CLCN3: variants seen among roughly 807,000 people sequenced by gnomAD.
CLCN3 encodes the protein Cl-/H+ antiporter 3.
In CLCN3, 16 loss-of-function variants were observed where a neutral mutation model predicts 83.4. The ratio of observed to expected loss-of-function variants is 0.19; its 90% CI spans 0.13 to 0.29. CLCN3 has a LOEUF of 0.29. CLCN3 is among the 10% of genes least tolerant of loss of function. The pLI, the probability that CLCN3 is intolerant of heterozygous loss-of-function variation, is 1.00. For synonymous variants in CLCN3, 322 were observed against 346.2 expected, an observed-to-expected ratio of 0.93 and a Z score of 0.78; for missense variants, 544 against 1,006.0, an observed-to-expected ratio of 0.54 and a Z score of 6.21.
chr4:169,711,884 C>T (rs62346184), intron 11 of CLCN3, among the ~76,000 whole-genome samples: 28,885 of 151,514 alleles, frequency 0.19, 3,526 homozygotes, highest in South Asian at 0.31. Context: ...TTTCTTTTTG[C>T]GACAGAGTCT....
chr4:169,665,787 A>C (rs1293682870), intron 2 of CLCN3, among the ~76,000 whole-genome samples: 1 of 152,208 alleles, frequency 6.6e-6, no homozygotes, highest in Non-Finnish European at 1.5e-5. Flanking sequence ...AATGACGAGG[A>C]TCACCATTTC....
chr4:169,633,520 T>A (rs1273535144), intron 1 of CLCN3, among the ~76,000 whole-genome samples: 1 of 152,244 alleles, frequency 6.6e-6, no homozygotes, highest in African/African-American at 2.4e-5. Context: ...GTTTAGAACC[T>A]GAAAATATTT....
intron 1 of CLCN3, among the ~76,000 whole-genome samples, chr4:169,625,266 A>C (rs535394906): frequency 6.6e-6 from 1 of 151,984 alleles, no homozygotes; most frequent in South Asian, 2.1e-4. Flanking sequence ...TTCTTCTTTC[A>C]CCCAGTTTAT....
chr4:169,680,214 GTT>G lies in CLCN3; in HGVS notation c.318+11_318+12del. On this transcript the variant is annotated splice_region_variant and intron_variant, in intron 3 of 12. Coordinates refer to ENST00000513761, the MANE Select transcript of CLCN3 (RefSeq NM_001829.4). Reference sequence around the variant, plus strand: ...CAGAGAAAGGCATAGACGGGTAAGTGTTTTTAGTAAAAATTTTTAAAAACATA... The same window carrying G: ...CAGAGAAAGGCATAGACGGGTAAGTGTTTAGTAAAAATTTTTAAAAACATA... 6.3e-7 allele frequency: 1 copy of G among 1,597,474 alleles called. No homozygotes were observed. The highest frequency in any genetic ancestry group is 1.1e-5 in the South Asian group (1 of 88,552).
intron 2 of CLCN3, among the ~76,000 whole-genome samples, chr4:169,661,006 A>G (rs1248182885): frequency 6.6e-6 from 1 of 152,210 alleles, no homozygotes; most frequent in Non-Finnish European, 1.5e-5. Flanking sequence ...GCTGAGTAAC[A>G]TACTACATTG....
At chr4:169,671,748 G>A (rs1393798388) in intron 2 of CLCN3, among the ~76,000 whole-genome samples, 1 of 152,158 alleles carries the variant, frequency 6.6e-6, no homozygotes, top group African/African-American at 2.4e-5. Context: ...GACTGAATTG[G>A]TGTGGGGAAG....
Position 169,629,346 on chromosome 4 carries a change from A to T in CLCN3, c.-16-6567A>T, listed in dbSNP as rs187890272. 1.6e-4 allele frequency among the ~76,000 whole-genome samples: 24 copies of T among 152,278 alleles called. No homozygotes were observed. In the East Asian group the frequency reaches 4.2e-3, roughly 27 times the overall value. On this transcript the variant is annotated intron_variant, in intron 1 of 12. Coordinates refer to ENST00000513761, the MANE Select transcript of CLCN3 (RefSeq NM_001829.4). ...ATTATCTCAAAATAAAAATTTAATT[A>T]AAAAAATTGAACATCTACTGTGACA...
chr4:169,681,075 C>T (rs1381443872), intron 3 of CLCN3, among the ~76,000 whole-genome samples: 11 of 151,960 alleles, frequency 7.2e-5, no homozygotes, highest in African/African-American at 2.7e-4. Flanking sequence ...GGGGGACCGT[C>T]GCCCATTCTG....
Position 169,620,915 on chromosome 4 carries a change from G to A in CLCN3, c.-165G>A, listed in dbSNP as rs889083014. ...TAACCTCTGCGGTAGAAAACGTCAG[G>A]TATCTTTTAAATCGCGATAGTTTTC... On this transcript the variant is annotated 5_prime_UTR_variant, in exon 1 of 13. Transcript: ENST00000513761. 1 of 398,350 alleles carries A rather than the reference G, an allele frequency of 2.5e-6. No individual in the cohort carries two copies. The highest frequency in any genetic ancestry group is 4.4e-6 in the Non-Finnish European group (1 of 226,042). The allele number at this position is 398,350 out of a possible 1,614,324, so 24.7% of individuals were successfully genotyped here.
rs762821357 is a variant in CLCN3 at position 169,721,173 on chromosome 4, ATTC to A, written c.*1179_*1181del. ...ATATTTTTTTTCTTAAAAATTTACC[ATTC>A]TTATTTATATTTTTATGGATTAAAA... On this transcript the variant is annotated 3_prime_UTR_variant, in exon 13 of 13. Transcript: ENST00000513761. 11 of 152,240 alleles carry A rather than the reference ATTC, an allele frequency of 7.2e-5. No homozygotes were observed. The highest frequency in any genetic ancestry group is 2.1e-4 in the South Asian group (1 of 4,836). 9.4% of individuals were successfully genotyped at this position (152,240 alleles called of 1,614,324 possible). A position where few individuals can be genotyped will look rare whatever the true frequency, so the allele number is the denominator to read the frequency against.
chr4:169,690,701 CT>C, intron 6 of CLCN3, 49 bp downstream of exon 6: 1 of 1,539,868 alleles, frequency 6.5e-7, no homozygotes, highest in Non-Finnish European at 8.8e-7. Flanking sequence ...TGATGCTTAT[CT>C]TTTTGACCTT....
chr4:169,693,020 C>A (rs1732429542), intron 7 of CLCN3, among the ~76,000 whole-genome samples: 1 of 152,132 alleles, frequency 6.6e-6, no homozygotes, highest in South Asian at 2.1e-4. Context: ...CCAGTCCCTT[C>A]CTATTTTCCA....
rs573376037 is a variant in CLCN3, at chr4:169,685,116, C to G, written c.319-2542C>G. ...ACAGACCTGAGCCACCACGTCTGGC[C>G]TATCCTTTATTTATTCCACCAAAGT... is the stretch of plus-strand genomic sequence containing the variant. On this transcript the variant is annotated intron_variant, in intron 3 of 12. Transcript: ENST00000513761. Among the ~76,000 whole-genome samples, 3 of 152,032 alleles carry G rather than the reference C, an allele frequency of 2.0e-5. No individual in the cohort carries two copies. The East Asian group carries it at 5.8e-4, about 29-fold the overall frequency.
intron 12 of CLCN3, chr4:169,717,740 ACT>A (rs113528256): frequency 0.12 from 139,485 of 1,154,092 alleles, 8,858 homozygotes; most frequent in East Asian, 0.15. Context: ...ATGATTGGAA[ACT>A]CTTTTAATTT....
chr4:169,624,544 C>G (rs1773184792), intron 1 of CLCN3, among the ~76,000 whole-genome samples: 1 of 152,106 alleles, frequency 6.6e-6, no homozygotes, highest in South Asian at 2.1e-4. Context: ...GTTGGGATTA[C>G]AGGCATGAGC....
In CLCN3 at chr4:169,675,902, G is replaced by A. The variant is rs146552446; in HGVS notation, c.161-4148G>A. On this transcript the variant is annotated intron_variant, in intron 2 of 12. Coordinates refer to ENST00000513761, the MANE Select transcript of CLCN3 (RefSeq NM_001829.4). ...ATTTACTTAAATGATGATTGGATTC[G>A]TTAGAATTTCTCTATTTTCATAGCT... 4.5e-3 allele frequency among the ~76,000 whole-genome samples: 686 copies of A among 152,204 alleles called. 5 individuals are homozygous for A. Among genetic ancestry groups the A allele is most frequent in the African/African-American group, 0.016 (644 of 41,526 alleles).
At chr4:169,630,611 A>G (rs1773345216) in intron 1 of CLCN3, among the ~76,000 whole-genome samples, 1 of 151,974 alleles carries the variant, frequency 6.6e-6, no homozygotes, top group South Asian at 2.1e-4. Context: ...GCTCACTGCA[A>G]ACTCTGCCTT....
intron 12 of CLCN3, among the ~76,000 whole-genome samples, chr4:169,719,381 G>A (rs548053368): frequency 1.3e-5 from 2 of 152,212 alleles, no homozygotes; most frequent in East Asian, 1.9e-4. Flanking sequence ...TGCTTGAACC[G>A]GGGACCCAGG....
intron 2 of CLCN3, among the ~76,000 whole-genome samples, chr4:169,675,626 A>T (rs1302409113): frequency 6.6e-6 from 1 of 152,204 alleles, no homozygotes; most frequent in East Asian, 1.9e-4. Flanking sequence ...TTACAAAATA[A>T]TTTGAGGATA....
Sources: gnomAD v4.1 joint callset for allele counts (sites outside exome capture counted in the v4.1 genomes callset) on GRCh38, gnomAD v4.1.1 for gene constraint, MANE v1.5 for transcripts, NCBI Gene and HGNC (gene_info 2026-07-23, HGNC 2026-07-21) for gene names.